The following STXBP4 variants were observed in gnomAD, a reference collection of about 807,000 sequenced individuals.
STXBP4 encodes syntaxin binding protein 4.
Under a neutral mutation model 76.1 loss-of-function variants are expected in STXBP4, and 55 were observed. The observed-to-expected ratio is 0.72, with a 90% CI of 0.58 to 0.91. STXBP4 has a LOEUF of 0.91. Among genes scored for constraint, STXBP4 ranks in the 40% least tolerant of loss-of-function variants. The pLI is 0.00. For synonymous variants in STXBP4, 201 were observed against 220.2 expected, an observed-to-expected ratio of 0.91 and a Z score of 0.77; for missense variants, 618 against 636.9, an observed-to-expected ratio of 0.97 and a Z score of 0.32.
At chr17:55,053,376 A>C (rs2078885316) in intron 12 of STXBP4, among the ~76,000 whole-genome samples, 1 of 152,140 alleles carries the variant, frequency 6.6e-6, no homozygotes, top group East Asian at 1.9e-4. Flanking sequence ...TTATTTATAC[A>C]CATATATGTA....
the STXBP4 span, among the ~76,000 whole-genome samples, chr17:55,205,742 C>A: frequency 6.6e-6 from 1 of 150,698 alleles, no homozygotes; most frequent in South Asian, 2.1e-4. Flanking sequence ...ATATTTTTGG[C>A]AAGGCTGTGA....
At chr17:55,054,543 A>T (rs1432678439) in intron 12 of STXBP4, among the ~76,000 whole-genome samples, 1 of 152,132 alleles carries the variant, frequency 6.6e-6, no homozygotes, top group Admixed American at 6.6e-5. Context: ...TGCAGTAGAT[A>T]ATGGGGTTTG....
At chr17:55,033,479 A>C (rs2078546311) in intron 9 of STXBP4, among the ~76,000 whole-genome samples, 1 of 152,238 alleles carries the variant, frequency 6.6e-6, no homozygotes, top group Non-Finnish European at 1.5e-5. Context: ...GAAATAAAGT[A>C]GGATATTGTA....
chr17:55,197,950 A>AT, the STXBP4 span, among the ~76,000 whole-genome samples: 2 of 152,190 alleles, frequency 1.3e-5, no homozygotes, highest in African/African-American at 4.8e-5. Context: ...GAATTGGACA[A>AT]AACGCACAGC....
In STXBP4 at chr17:55,164,061, A is replaced by G. The variant is rs564373252; in HGVS notation, c.*4150A>G. 13 of 152,746 alleles carry G rather than the reference A, an allele frequency of 8.5e-5. No individual in the cohort carries two copies. The South Asian group carries it at 1.2e-3, about 15-fold the overall frequency. 9.5% of individuals were successfully genotyped at this position (152,746 alleles called of 1,614,324 possible). ...TTTTACAATGTACATAAAGAACTGA[A>G]CTATTATTAAAACAACTTACACACT... On this transcript the variant is annotated 3_prime_UTR_variant, in exon 18 of 18. Coordinates refer to ENST00000376352, the MANE Select transcript of STXBP4 (RefSeq NM_178509.6).
At chr17:55,029,067 T>A (rs943372358) in intron 8 of STXBP4, among the ~76,000 whole-genome samples, 1 of 151,854 alleles carries the variant, frequency 6.6e-6, no homozygotes, top group African/African-American at 2.4e-5. Flanking sequence ...AAAAGCAGAT[T>A]GGAGTAGTTA....
chr17:54,969,999 G>C (rs2077367789), intron 1 of STXBP4, among the ~76,000 whole-genome samples: 1 of 152,166 alleles, frequency 6.6e-6, no homozygotes, highest in Non-Finnish European at 1.5e-5. Flanking sequence ...GTTTTGAAGA[G>C]GTGACATTTG....
rs928408334 is a variant in STXBP4, at chr17:55,162,114, G to A, written c.*2203G>A. The A allele has an allele frequency of 1.3e-5, 2 of 152,192 alleles. No homozygotes were observed. Among genetic ancestry groups the A allele is most frequent in the Non-Finnish European group, 2.9e-5 (2 of 68,028 alleles). The allele number at this position is 152,192 out of a possible 1,614,324, so 9.4% of individuals were successfully genotyped here. ...TCCTTACTTGGGGAATGTTGCTGAGGAGGTTCAGTGTGTGAATGGACTGAA... is the reference window on the plus strand; with the variant it reads ...TCCTTACTTGGGGAATGTTGCTGAGAAGGTTCAGTGTGTGAATGGACTGAA... On this transcript the variant is annotated 3_prime_UTR_variant, in exon 18 of 18. Coordinates refer to ENST00000376352, the MANE Select transcript of STXBP4 (RefSeq NM_178509.6).
Position 55,172,558 on chromosome 17 carries a change from T to C in STXBP4, c.*12647T>C, listed in dbSNP as rs1232676059. The stretch of plus-strand genomic sequence containing the variant: ...TGCATAACTTCCTTTAATAATACTT[T>C]TATTTTTCCAAATTTGAAGACTGTC... On this transcript the variant is annotated 3_prime_UTR_variant, in exon 18 of 18. Coordinates refer to ENST00000376352, the MANE Select transcript of STXBP4 (RefSeq NM_178509.6). 1.3e-5 allele frequency: 2 copies of C among 152,224 alleles called. No individual in the cohort carries two copies. The highest frequency in any genetic ancestry group is 4.8e-5 in the African/African-American group (2 of 41,452). 9.4% of individuals were successfully genotyped at this position (152,224 alleles called of 1,614,324 possible).
intron 4 of STXBP4, 27 bp from the exon 5 acceptor site, chr17:54,999,318 C>G (rs750231757): frequency 1.9e-6 from 3 of 1,557,538 alleles, no homozygotes; most frequent in African/African-American, 2.8e-5. Flanking sequence ...TCATTAGTTC[C>G]TTTATAAATG....
intron 7 of STXBP4, among the ~76,000 whole-genome samples, chr17:55,003,852 TA>T (rs931898970): frequency 6.6e-6 from 1 of 152,104 alleles, no homozygotes; most frequent in African/African-American, 2.4e-5. Context: ...AACAATATAC[TA>T]AAGACATTTC....
At chr17:55,078,939 C>T (rs1363580122) in intron 15 of STXBP4, among the ~76,000 whole-genome samples, 2 of 152,100 alleles carry the variant, frequency 1.3e-5, no homozygotes, top group Non-Finnish European at 2.9e-5. Flanking sequence ...GGTATTTAGT[C>T]AATCATTGTA....
chr17:55,111,296 T>C (rs780035739), intron 16 of STXBP4, among the ~76,000 whole-genome samples: 4 of 152,190 alleles, frequency 2.6e-5, no homozygotes, highest in Non-Finnish European at 5.9e-5. Flanking sequence ...CCTAACTAGC[T>C]GTCTAACCTC....
chr17:55,094,165 G>GAAA (rs34886189), intron 16 of STXBP4, among the ~76,000 whole-genome samples: 4 of 108,246 alleles, frequency 3.7e-5, no homozygotes, highest in African/African-American at 7.0e-5. Context: ...TGAGGGACAG[G>GAAA]AAAAAAAAAA....
chr17:55,014,859 C>T (rs143251897), intron 8 of STXBP4, among the ~76,000 whole-genome samples: 3,043 of 152,174 alleles, frequency 0.02, 82 homozygotes, highest in African/African-American at 0.07. Flanking sequence ...CCAGCTTTTC[C>T]CTTTTCCAGA....
chr17:55,132,987 T>G (rs1213427103), intron 16 of STXBP4, among the ~76,000 whole-genome samples: 1 of 151,926 alleles, frequency 6.6e-6, no homozygotes, highest in African/African-American at 2.4e-5. Context: ...TGAACATAAA[T>G]AATTAAGAAA....
chr17:54,977,927 T>C (rs1003820614), intron 1 of STXBP4, among the ~76,000 whole-genome samples: 1 of 152,206 alleles, frequency 6.6e-6, no homozygotes, highest in African/African-American at 2.4e-5. Flanking sequence ...ACCAGACAGA[T>C]TATTTACTGA....
chr17:55,066,424 A>G (rs2079052226), intron 12 of STXBP4, among the ~76,000 whole-genome samples: 2 of 152,106 alleles, frequency 1.3e-5, no homozygotes, highest in East Asian at 1.9e-4. Flanking sequence ...AGGTTTCACC[A>G]TATTAGCTAT....
chr17:54,998,033 G>A (rs2077845141), intron 4 of STXBP4, among the ~76,000 whole-genome samples: 1 of 151,956 alleles, frequency 6.6e-6, no homozygotes, highest in South Asian at 2.1e-4. Context: ...ATCCTTTCAT[G>A]AATGTTTTAT....
Sources: gnomAD v4.1 joint callset for allele counts (sites outside exome capture counted in the v4.1 genomes callset) on GRCh38, gnomAD v4.1.1 for gene constraint, MANE v1.5 for transcripts, NCBI Gene and HGNC (gene_info 2026-07-23, HGNC 2026-07-21) for gene names.